LRP1B: variants seen among roughly 807,000 people sequenced by gnomAD.
LRP1B encodes low-density lipoprotein receptor-related protein 1B.
LRP1B carries 217 observed loss-of-function variants against 556.6 expected under a neutral mutation model. The ratio of observed to expected loss-of-function variants is 0.39; its 90% CI spans 0.35 to 0.44. The LOEUF is 0.44. Ranked by LOEUF, LRP1B falls within the 20% of genes least tolerant of loss-of-function variation. The pLI, the probability that LRP1B is intolerant of heterozygous loss-of-function variation, is 1.00. For missense variants in LRP1B, 5,053 were observed against 5,620.8 expected (o/e 0.90, Z 3.23); for synonymous variants, 2,047 against 1,865.8 (o/e 1.10, Z -2.50).
At chr2:141,919,177 T>C (rs553504562) in intron 1 of LRP1B, among the ~76,000 whole-genome samples, 1 of 152,136 alleles carries the variant, frequency 6.6e-6, no homozygotes, top group Non-Finnish European at 1.5e-5. Flanking sequence ...TGCATACATA[T>C]GTATGATCTA....
chr2:141,839,791 GC>G (rs2105758293), intron 1 of LRP1B, among the ~76,000 whole-genome samples: 1 of 152,168 alleles, frequency 6.6e-6, no homozygotes, highest in Admixed American at 6.5e-5. Context: ...TCAGCAAACA[GC>G]CTAATTTACT....
chr2:140,601,713 T>TAA, intron 41 of LRP1B, 74 bp from the exon 42 acceptor site: 1 of 1,021,968 alleles, frequency 9.8e-7, no homozygotes. Flanking sequence ...AAAAAGCATT[T>TAA]AAGACATACA....
At chr2:140,312,546 G>A (rs1684347548) in intron 83 of LRP1B, among the ~76,000 whole-genome samples, 1 of 151,858 alleles carries the variant, frequency 6.6e-6, no homozygotes, top group African/African-American at 2.4e-5. Flanking sequence ...TATCTATGAT[G>A]CATAAAATCT....
chr2:141,085,431 A>G (rs1485860763), intron 7 of LRP1B, among the ~76,000 whole-genome samples: 1 of 152,162 alleles, frequency 6.6e-6, no homozygotes, highest in Middle Eastern at 3.2e-3. Flanking sequence ...CTGCACACCA[A>G]TCTAATTAGA....
intron 11 of LRP1B, among the ~76,000 whole-genome samples, chr2:141,022,945 T>C (rs1698106904): frequency 6.6e-6 from 1 of 151,902 alleles, no homozygotes; most frequent in South Asian, 2.1e-4. Flanking sequence ...CTCCCTTAGC[T>C]TTCACAAAAT....
chr2:141,664,450 T>C (rs1446270415), intron 2 of LRP1B, among the ~76,000 whole-genome samples: 1 of 152,128 alleles, frequency 6.6e-6, no homozygotes, highest in Non-Finnish European at 1.5e-5. Context: ...ATCCTATATC[T>C]AGAAAATCCC....
chr2:140,463,597 T>C (rs1415606776), intron 60 of LRP1B, among the ~76,000 whole-genome samples: 1 of 152,062 alleles, frequency 6.6e-6, no homozygotes, highest in Admixed American at 6.5e-5. Context: ...CATTAAGAAA[T>C]GACAGGAACA....
chr2:141,859,975 T>G (rs1351581677), intron 1 of LRP1B, among the ~76,000 whole-genome samples: 1 of 152,194 alleles, frequency 6.6e-6, no homozygotes, highest in African/African-American at 2.4e-5. Flanking sequence ...CAAGCAGGCT[T>G]GTGTTTCCCA....
chr2:141,127,474 G>A (rs1478707214), intron 7 of LRP1B, among the ~76,000 whole-genome samples: 1 of 152,110 alleles, frequency 6.6e-6, no homozygotes, highest in Non-Finnish European at 1.5e-5. Flanking sequence ...CAATAGTAAA[G>A]ACTTGGAACC....
At chr2:141,656,564 A>T (rs113997900) in intron 2 of LRP1B, among the ~76,000 whole-genome samples, 2 of 152,286 alleles carry the variant, frequency 1.3e-5, no homozygotes, top group Non-Finnish European at 2.9e-5. Context: ...AACGTTGCTA[A>T]TTAAATGATA....
chr2:141,188,493 C>T lies in LRP1B; in HGVS notation c.941G>A (p.Gly314Asp), dbSNP rs2105193379. The T allele has an allele frequency of 1.2e-6, 2 of 1,612,718 alleles. No individual in the cohort carries two copies. Among genetic ancestry groups the T allele is most frequent in the Non-Finnish European group, 8.5e-7 (1 of 1,179,194 alleles). Residue 314 changes from glycine (G) to aspartate (D), a missense_variant, in exon 7 of 91, where the codon GGT (glycine) becomes GAT (aspartate). Gly to Asp is a moderately conservative substitution (Grantham distance 94, BLOSUM62 -1). Around this residue, in one of 5 missense-constraint regions of LRP1B, gnomAD observed 3,619 missense variants for 3,931.9 expected, o/e 0.92. Transcript: ENST00000389484. ...GDRIFVCNSNGSVCVTLIDLE... is the reference protein window; with the variant it reads ...GDRIFVCNSNDSVCVTLIDLE... The stretch of plus-strand genomic sequence containing the variant: ...ATCAATCAGGGTGACACATACAGAA[C>T]CGTTGGAATTACAAACAAAGATCCG...
At chr2:140,992,844 C>T (rs888210484) in intron 16 of LRP1B, among the ~76,000 whole-genome samples, 3 of 151,924 alleles carry the variant, frequency 2.0e-5, no homozygotes, top group Non-Finnish European at 1.5e-5. Context: ...TGGGTTCAAA[C>T]TTTGCAGGAC....
At position 141,215,344 on chromosome 2, in the gene LRP1B, C is replaced by T. The variant is rs537113289; in HGVS notation, c.850+13839G>A. 7.9e-5 allele frequency among the ~76,000 whole-genome samples: 12 copies of T among 152,206 alleles called. 1 individual carries two copies. Among genetic ancestry groups the T allele is most frequent in the South Asian group, 4.1e-4 (2 of 4,824 alleles). The stretch of plus-strand genomic sequence containing the variant: ...TAAACCTCTTTTCTTTATAAATTAC[C>T]GAATCTCTGGTATTTCTTTGTAGCA... On this transcript the variant is annotated intron_variant, in intron 6 of 90. Transcript: ENST00000389484.
Position 142,031,339 on chromosome 2 carries a change from T to TAACGTA in LRP1B, c.82+99308_82+99309insTACGTT, listed in dbSNP as rs1703697676. 7.2e-5 allele frequency among the ~76,000 whole-genome samples: 10 copies of TAACGTA among 138,216 alleles called. No homozygotes were observed. In the South Asian group the frequency reaches 1.0e-3, roughly 14 times the overall value. The allele number at this position is 138,216 out of a possible 152,430, so 90.7% of individuals were successfully genotyped here. A position where few individuals can be genotyped will look rare whatever the true frequency, so the allele number is the denominator to read the frequency against. The stretch of plus-strand genomic sequence containing the variant: ...AAGGTTGATTATACTTATTTTTTTT[T>TAACGTA]TTTTTTTTTATTATACTCTAAGTTT... On this transcript the variant is annotated intron_variant, in intron 1 of 90. Transcript: ENST00000389484.
chr2:141,272,807 C>A (rs900344167), intron 3 of LRP1B, among the ~76,000 whole-genome samples: 5 of 152,032 alleles, frequency 3.3e-5, no homozygotes, highest in African/African-American at 7.2e-5. Flanking sequence ...AATAGACTCA[C>A]AAAATATATG....
intron 3 of LRP1B, among the ~76,000 whole-genome samples, chr2:141,448,901 T>C (rs997722083): frequency 6.6e-6 from 1 of 152,238 alleles, no homozygotes; most frequent in Non-Finnish European, 1.5e-5. Context: ...TCTTCAGAGT[T>C]CAAGAAGCAT....
At chr2:140,297,412 AGAACT>A (rs1275976221) in intron 84 of LRP1B, among the ~76,000 whole-genome samples, 1 of 152,138 alleles carries the variant, frequency 6.6e-6, no homozygotes, top group Non-Finnish European at 1.5e-5. Context: ...AATTAGTGAT[AGAACT>A]GAAATGAGGC....
chr2:141,931,505 C>A (rs1227479436), intron 1 of LRP1B, among the ~76,000 whole-genome samples: 1 of 151,976 alleles, frequency 6.6e-6, no homozygotes. Context: ...AGATTAGCAT[C>A]ATCAATTCCA....
At chr2:141,169,711 A>T (rs1458151498) in intron 7 of LRP1B, among the ~76,000 whole-genome samples, 1 of 151,096 alleles carries the variant, frequency 6.6e-6, no homozygotes, top group African/African-American at 2.4e-5. Context: ...TGTCAGTAAG[A>T]TTTAAACATG....
Sources: allele counts gnomAD v4.1 joint callset (sites outside exome capture counted in the v4.1 genomes callset), GRCh38; gene constraint gnomAD v4.1.1; regional missense constraint gnomAD v4.1.1; transcripts MANE v1.5; gene names NCBI Gene and HGNC (gene_info 2026-07-23, HGNC 2026-07-21).